LTBP1: variants seen among roughly 807,000 people sequenced by gnomAD.
The protein encoded by LTBP1 is latent transforming growth factor beta binding protein 1.
Under a neutral mutation model 207.6 loss-of-function variants are expected in LTBP1, and 129 were observed. The observed-to-expected ratio is 0.62, with a 90% CI of 0.54 to 0.72. The LOEUF is 0.72. Ranked by LOEUF, LTBP1 falls within the 30% of genes least tolerant of loss-of-function variation. The pLI, the probability that LTBP1 is intolerant of heterozygous loss-of-function variation, is 0.00. For synonymous variants in LTBP1, 963 were observed against 833.7 expected, an observed-to-expected ratio of 1.16 and a Z score of -2.67; for missense variants, 2,281 against 2,217.2, an observed-to-expected ratio of 1.03 and a Z score of -0.58.
intron 31 of LTBP1, among the ~76,000 whole-genome samples, chr2:33,372,761 G>A (rs569096153): frequency 6.6e-6 from 1 of 152,306 alleles, no homozygotes; most frequent in East Asian, 1.9e-4. Context: ...CTACTCTGGA[G>A]ACTGAGGCAC....
At chr2:33,138,208 A>G (rs1031811405) in intron 5 of LTBP1, among the ~76,000 whole-genome samples, 1 of 152,068 alleles carries the variant, frequency 6.6e-6, no homozygotes, top group Non-Finnish European at 1.5e-5. Context: ...GGCAGCAGGT[A>G]TTTTCGCATG....
At chr2:33,217,275 G>A (rs2090784603) in intron 7 of LTBP1, among the ~76,000 whole-genome samples, 1 of 152,122 alleles carries the variant, frequency 6.6e-6, no homozygotes, top group Admixed American at 6.5e-5. Flanking sequence ...AAAAGGCATT[G>A]GAAATTTAAG....
At chr2:33,296,864 A>G (rs183577047) in intron 20 of LTBP1, among the ~76,000 whole-genome samples, 8 of 152,304 alleles carry the variant, frequency 5.3e-5, no homozygotes, top group African/African-American at 1.9e-4. Flanking sequence ...GGGAGCAATA[A>G]TGGTACCTGC....
At chr2:33,127,320 C>T (rs771877067) in intron 4 of LTBP1, among the ~76,000 whole-genome samples, 1 of 152,080 alleles carries the variant, frequency 6.6e-6, no homozygotes, top group Non-Finnish European at 1.5e-5. Context: ...GAAGAAAATT[C>T]CCAAGCCCTC....
chr2:33,391,667 C>G (rs1443196609), intron 32 of LTBP1, among the ~76,000 whole-genome samples: 1 of 152,182 alleles, frequency 6.6e-6, no homozygotes, highest in Non-Finnish European at 1.5e-5. Flanking sequence ...GAACCAAAAT[C>G]CCAGGCACTG....
intron 3 of LTBP1, among the ~76,000 whole-genome samples, chr2:33,071,336 C>T (rs999991647): frequency 2.0e-5 from 3 of 152,218 alleles, no homozygotes; most frequent in African/African-American, 7.2e-5. Flanking sequence ...GTAGAAGCTA[C>T]AGTCTTTTTG....
intron 3 of LTBP1, among the ~76,000 whole-genome samples, chr2:33,086,170 A>G (rs2078745955): frequency 2.6e-5 from 4 of 152,260 alleles, no homozygotes; most frequent in Admixed American, 2.6e-4. Flanking sequence ...TCAGTAAGTC[A>G]TGGGACGCAA....
intron 1 of LTBP1, 129 bp from the exon 2 acceptor site, chr2:32,948,746 G>T: frequency 1.2e-6 from 1 of 855,066 alleles, no homozygotes; most frequent in Non-Finnish European, 2.0e-6. Context: ...CAGGGTACCT[G>T]TTAGGACTCT....
At chr2:33,324,001 A>T (rs115458984) in intron 24 of LTBP1, among the ~76,000 whole-genome samples, 1,821 of 152,270 alleles carry the variant, frequency 0.012, 13 homozygotes, top group Middle Eastern at 0.055. Context: ...GTATAGTAAG[A>T]ATAATAATAG....
chr2:33,166,070 T>TG (rs1442232501), intron 5 of LTBP1, among the ~76,000 whole-genome samples: 1 of 145,456 alleles, frequency 6.9e-6, no homozygotes, highest in African/African-American at 2.6e-5. Flanking sequence ...AATGTATGTT[T>TG]TTTTTTTTTT....
chr2:33,134,239 A>G lies in LTBP1; in HGVS notation c.1034-554A>G, dbSNP rs1042426274. On this transcript the variant is annotated intron_variant, in intron 4 of 33. Transcript: ENST00000404816. This position sits in a 1 kb window ranked among gnomAD's most constrained non-coding sequence, Gnocchi z 4.4. ...CGCAGCTGCGTCACAGCATTTGATC[A>G]CTTCAGCCGAGAGTGCCAGGAGATT... 7.2e-5 allele frequency among the ~76,000 whole-genome samples: 11 copies of G among 152,216 alleles called. No homozygotes were observed. Among genetic ancestry groups the G allele is most frequent in the Admixed American group, 7.2e-4 (11 of 15,282 alleles).
At chr2:33,366,654 A>G (rs2094991737) in intron 31 of LTBP1, among the ~76,000 whole-genome samples, 1 of 152,234 alleles carries the variant, frequency 6.6e-6, no homozygotes, top group Non-Finnish European at 1.5e-5. Context: ...TGACAAGGGG[A>G]AAATAACTTC....
chr2:33,150,026 A>G (rs1314302647), intron 5 of LTBP1, among the ~76,000 whole-genome samples: 2 of 152,198 alleles, frequency 1.3e-5, no homozygotes, highest in African/African-American at 2.4e-5. Flanking sequence ...AAAGTCTGAC[A>G]TATTATTTAA....
chr2:33,323,047 T>C (rs1274608314), intron 24 of LTBP1, among the ~76,000 whole-genome samples: 1 of 152,208 alleles, frequency 6.6e-6, no homozygotes, highest in African/African-American at 2.4e-5. Context: ...CAGATGCTAC[T>C]CAATTTATGA....
intron 32 of LTBP1, among the ~76,000 whole-genome samples, chr2:33,396,613 T>C (rs2095360448): frequency 6.6e-6 from 1 of 152,210 alleles, no homozygotes; most frequent in Non-Finnish European, 1.5e-5. Flanking sequence ...GGGAGCCCTT[T>C]TGTAAGGCTC....
At chr2:33,323,372 C>T (rs1231174559) in intron 24 of LTBP1, among the ~76,000 whole-genome samples, 3 of 152,158 alleles carry the variant, frequency 2.0e-5, no homozygotes, top group Non-Finnish European at 4.4e-5. Flanking sequence ...CGCGGTAGCT[C>T]ACACCTGTAA....
Position 33,252,854 on chromosome 2 carries a change from G to T in LTBP1, c.2167+10G>T. The T allele has an allele frequency of 6.3e-7, 1 of 1,588,254 alleles. No individual in the cohort carries two copies. The highest frequency in any genetic ancestry group is 8.6e-7 in the Non-Finnish European group (1 of 1,162,204). ...CCCCTTCCAGGCACAGGTAAGACATGCCCAGCTGTATGCGCACATAGATTC... is the reference window on the plus strand; with the variant it reads ...CCCCTTCCAGGCACAGGTAAGACATTCCCAGCTGTATGCGCACATAGATTC... On this transcript the variant is annotated intron_variant, in intron 11 of 33. Coordinates refer to ENST00000404816, the MANE Select transcript of LTBP1 (RefSeq NM_206943.4).
chr2:33,086,176 C>T (rs376829432), intron 3 of LTBP1, among the ~76,000 whole-genome samples: 23 of 152,318 alleles, frequency 1.5e-4, no homozygotes, highest in South Asian at 1.2e-3. Flanking sequence ...AGTCATGGGA[C>T]GCAACTGCTT....
chr2:33,253,906 TTGA>T (rs2092753777), intron 11 of LTBP1, among the ~76,000 whole-genome samples: 1 of 142,700 alleles, frequency 7.0e-6, no homozygotes, highest in Non-Finnish European at 1.6e-5. Flanking sequence ...TTTTTTTTTT[TTGA>T]GATGGAGTCT....
Sources: gnomAD v4.1 joint callset for allele counts (sites outside exome capture counted in the v4.1 genomes callset) on GRCh38, gnomAD v4.1.1 for gene constraint, Gnocchi (gnomAD v3.1) non-coding constraint, MANE v1.5 for transcripts, NCBI Gene and HGNC (gene_info 2026-07-23, HGNC 2026-07-21) for gene names.